SAPCD2: variants seen among roughly 807,000 people sequenced by gnomAD.
SAPCD2 encodes the protein suppressor APC domain containing 2.
SAPCD2 carries 34 observed loss-of-function variants against 37.8 expected under a neutral mutation model. The ratio of observed to expected loss-of-function variants is 0.90; its 90% confidence interval spans 0.68 to 1.20. SAPCD2 has a LOEUF of 1.20. SAPCD2 is among the 50% of genes most tolerant of loss of function. SAPCD2 has a pLI of 0.00. For synonymous variants in SAPCD2, 275 were observed against 270.3 expected (o/e 1.02, Z -0.17); for missense variants, 572 against 584.7 (o/e 0.98, Z 0.22).
At position 137,070,241 on chromosome 9, in the gene SAPCD2, G is replaced by A; in HGVS notation, c.220C>T (p.Gln74Ter). The A allele has an allele frequency of 1.4e-6, 2 of 1,418,148 alleles. No homozygotes were observed. Among genetic ancestry groups the A allele is most frequent in the Non-Finnish European group, 9.2e-7 (1 of 1,082,666 alleles). The allele number at this position is 1,418,148 out of a possible 1,614,324, so 87.8% of individuals were successfully genotyped here. ...AGGTAGCCGCTGGCCGGGGCCACCT[G>A]GCGCAAGCCCTCCAGCACCCCGCGG... The part of the protein sequence containing the change: ...LPRGVLEGLR[Q>*]VAPASGYLTF... The change falls in exon 1 of 6, where the codon CAG becomes TAG. Residue 74 changes from glutamine to a stop codon, truncating the protein, a stop_gained. Transcript: ENST00000409687. LOFTEE classifies it high-confidence loss of function.
In SAPCD2 at chr9:137,063,531, C is replaced by G. The variant is rs1460729085; in HGVS notation, c.*1128G>C. The G allele has an allele frequency of 1.5e-5, 1 of 67,748 alleles. No individual in the cohort carries two copies. Among genetic ancestry groups the G allele is most frequent in the East Asian group, 8.5e-4 (1 of 1,180 alleles). The allele number at this position is 67,748 out of a possible 1,614,324, so 4.2% of individuals were successfully genotyped here. A position where few individuals can be genotyped will look rare whatever the true frequency, so the allele number is the denominator to read the frequency against. On this transcript the variant is annotated 3_prime_UTR_variant, in exon 6 of 6. Transcript: ENST00000409687. ...TCGGCATCGGGGGCCCTGCGCCCCC[C>G]ACGCACTGACCCCGCATCGGGGGCC...
intron 1 of SAPCD2, among the ~76,000 whole-genome samples, chr9:137,066,995 T>C (rs947515862): frequency 5.3e-5 from 8 of 151,954 alleles, no homozygotes; most frequent in Admixed American, 1.3e-4. Flanking sequence ...CATTTCTTCC[T>C]TTTTTTCTTG....
At chr9:137,067,548 G>A (rs1197710530) in intron 1 of SAPCD2, among the ~76,000 whole-genome samples, 1 of 150,862 alleles carries the variant, frequency 6.6e-6, no homozygotes, top group Non-Finnish European at 1.5e-5. Flanking sequence ...GGGGCGGGGG[G>A]GGATCAGTTG....
intron 1 of SAPCD2, among the ~76,000 whole-genome samples, chr9:137,066,741 C>T (rs1466681968): frequency 1.3e-5 from 2 of 152,084 alleles, no homozygotes; most frequent in African/African-American, 2.4e-5. Context: ...GAGGAGTGGG[C>T]GGGGGGGTTC....
Position 137,069,937 on chromosome 9 carries a change from T to A in SAPCD2, c.524A>T (p.Glu175Val). 1 of 1,273,828 alleles carries A rather than the reference T, an allele frequency of 7.9e-7. No individual in the cohort carries two copies. The highest frequency in any genetic ancestry group is 9.9e-7 in the Non-Finnish European group (1 of 1,010,346). 78.9% of individuals were successfully genotyped at this position (1,273,828 alleles called of 1,614,324 possible). A position where few individuals can be genotyped will look rare whatever the true frequency, so the allele number is the denominator to read the frequency against. ...AEAAPCPAEP[E>V]RSQSAALEPS... ...TTCCAGCGCCGCGCTCTGGGACCGC[T>A]CGGGCTCCGCGGGGCAGGGCGCCGC... The change falls in exon 1 of 6, where the codon GAG becomes GTG. Residue 175 changes from glutamate to valine, a missense_variant. Glu to Val is a moderately radical substitution (Grantham distance 121). Coordinates refer to ENST00000409687, the MANE Select transcript of SAPCD2 (RefSeq NM_178448.4).
In SAPCD2 at chr9:137,070,514, A is replaced by C; in HGVS notation, c.-54T>G. On this transcript the variant is annotated 5_prime_UTR_variant, in exon 1 of 6. Coordinates refer to ENST00000409687, the MANE Select transcript of SAPCD2 (RefSeq NM_178448.4). Reference sequence around the variant, plus strand: ...CCCGCGTGCGTCCCAGCGCGGCCCCACGGAGGGGCCGGCCCGGCGAGCTCA... The same window carrying C: ...CCCGCGTGCGTCCCAGCGCGGCCCCCCGGAGGGGCCGGCCCGGCGAGCTCA... 1 of 1,111,276 alleles carries C rather than the reference A, an allele frequency of 9.0e-7. No individual in the cohort carries two copies. The highest frequency in any genetic ancestry group is 1.1e-6 in the Non-Finnish European group (1 of 887,108). 68.8% of individuals were successfully genotyped at this position (1,111,276 alleles called of 1,614,324 possible). A position where few individuals can be genotyped will look rare whatever the true frequency, so the allele number is the denominator to read the frequency against.
At position 137,064,595 on chromosome 9, in the gene SAPCD2, GGGCGC is replaced by G; in HGVS notation, c.*59_*63del. Reference sequence around the variant, plus strand: ...CCAGCCAGAGAGGGTGGGTGCGATGGGGCGCCCACCCTCGAAGGGCTGAGTGCCAG... The same window carrying G: ...CCAGCCAGAGAGGGTGGGTGCGATGGCCACCCTCGAAGGGCTGAGTGCCAG... On this transcript the variant is annotated 3_prime_UTR_variant, in exon 6 of 6. Coordinates refer to ENST00000409687, the MANE Select transcript of SAPCD2 (RefSeq NM_178448.4). 1 of 1,534,558 alleles carries G rather than the reference GGGCGC, an allele frequency of 6.5e-7. No homozygotes were observed. Among genetic ancestry groups the G allele is most frequent in the East Asian group, 2.4e-5 (1 of 41,262 alleles).
At position 137,070,537 on chromosome 9, in the gene SAPCD2, T is replaced by C; in HGVS notation, c.-77A>G. The C allele has an allele frequency of 1.0e-6, 1 of 965,898 alleles. No individual in the cohort carries two copies. The highest frequency in any genetic ancestry group is 1.3e-6 in the Non-Finnish European group (1 of 755,738). The allele number at this position is 965,898 out of a possible 1,614,324, so 59.8% of individuals were successfully genotyped here. On this transcript the variant is annotated 5_prime_UTR_variant, in exon 1 of 6. Coordinates refer to ENST00000409687, the MANE Select transcript of SAPCD2 (RefSeq NM_178448.4). ...CCACGGAGGGGCCGGCCCGGCGAGC[T>C]CAGCCCACGGCGACAATAGCGACTA...
intron 1 of SAPCD2, 102 bp from the exon 2 acceptor site, chr9:137,066,476 G>T: frequency 1.1e-6 from 1 of 875,256 alleles, no homozygotes. Flanking sequence ...TCGAGGTCTC[G>T]GGCACCAGCC....
intron 1 of SAPCD2, among the ~76,000 whole-genome samples, chr9:137,067,289 G>A (rs1006604949): frequency 6.6e-6 from 1 of 151,308 alleles, no homozygotes; most frequent in Non-Finnish European, 1.5e-5. Flanking sequence ...GTGCCCGGCC[G>A]GCAATACCCC....
chr9:137,069,860 G>C (rs528036503), intron 1 of SAPCD2, 30 bp downstream of exon 1: 4 of 1,239,846 alleles, frequency 3.2e-6, no homozygotes, highest in South Asian at 2.9e-5. Context: ...GGAGAGCTAC[G>C]AGGGTGCCCG....
chr9:137,065,726 A>T lies in SAPCD2; in HGVS notation c.685-58T>A. The T allele has an allele frequency of 1.3e-6, 2 of 1,547,314 alleles. 1 individual carries two copies. On this transcript the variant is annotated intron_variant, in intron 2 of 5. Coordinates refer to ENST00000409687, the MANE Select transcript of SAPCD2 (RefSeq NM_178448.4). ...CCCCAGTGAGCACGCACACGTCCAC[A>T]CATGCATGAGCTCACCTGTGGGTGG...
Position 137,064,937 on chromosome 9 carries a change from T to G in SAPCD2, c.982A>C (p.Thr328Pro). 1 of 1,553,392 alleles carries G rather than the reference T, an allele frequency of 6.4e-7. No homozygotes were observed. The highest frequency in any genetic ancestry group is 8.7e-7 in the Non-Finnish European group (1 of 1,149,326). Residue 328 changes from threonine (T) to proline (P), a missense_variant, in exon 5 of 6, where the codon ACG becomes CCG. By Grantham distance (38) the Thr-to-Pro change is conservative (BLOSUM62 -1). Transcript: ENST00000409687. ...SSSGPPCPAL[T>P]STSPPVWQQQ... is the part of the protein sequence containing the mutation. ...TGCCAGACCGGGGGTGAGGTGGACG[T>G]CAGGGCAGGGCAGGGGGGCCCGGAG...
rs527906340 is a variant in SAPCD2, at chr9:137,070,484, G to A, written c.-24C>T. 47 of 1,204,368 alleles carry A rather than the reference G, an allele frequency of 3.9e-5. No individual in the cohort carries two copies. In the African/African-American group the frequency reaches 6.5e-4, roughly 17 times the overall value. 74.6% of individuals were successfully genotyped at this position (1,204,368 alleles called of 1,614,324 possible). A position where few individuals can be genotyped will look rare whatever the true frequency, so the allele number is the denominator to read the frequency against. On this transcript the variant is annotated 5_prime_UTR_variant, in exon 1 of 6. The change creates a new upstream start codon in the 5' untranslated region. Coordinates refer to ENST00000409687, the MANE Select transcript of SAPCD2 (RefSeq NM_178448.4). ...ATGGGCGCCCGGGATCGGTCCCCTC[G>A]TCCACCCGCGTGCGTCCCAGCGCGG...
In SAPCD2 at chr9:137,065,551, G is replaced by A. The variant is rs551321017; in HGVS notation, c.802C>T (p.Arg268Cys). ...QQLQRVQERQ[R>C]RLGQSRASAD... The stretch of plus-strand genomic sequence containing the variant: ...CTGGCTCTGCTCTGGCCCAGGCGGC[G>A]CTGGCGCTCCTGCACTCGTTGCAGC... The change falls in exon 3 of 6, where the codon CGC becomes TGC. Residue 268 changes from arginine (R) to cysteine (C), a missense_variant. Transcript: ENST00000409687. The A allele has an allele frequency of 1.4e-5, 22 of 1,606,470 alleles. No homozygotes were observed. The highest frequency in any genetic ancestry group is 1.5e-5 in the Non-Finnish European group (18 of 1,176,054).
chr9:137,065,623 G>A lies in SAPCD2; in HGVS notation c.730C>T (p.Gln244Ter), dbSNP rs748351983. The change falls in exon 3 of 6, where the codon CAG (glutamine) becomes TAG (stop). Residue 244 changes from glutamine (Q) to a stop codon, truncating the protein, a stop_gained. Transcript: ENST00000409687. LOFTEE classifies it high-confidence loss of function. ...ELEQEKEVLL[Q>*]GLEMMARGRD... is the part of the protein sequence containing the mutation. ...CCCCGCGCCATCATCTCCAAACCCT[G>A]CAGCAGCACCTCCTTCTCCTGCTCC... is the stretch of plus-strand genomic sequence containing the variant. The A allele has an allele frequency of 6.2e-7, 1 of 1,608,612 alleles. No individual in the cohort carries two copies. Among genetic ancestry groups the A allele is most frequent in the South Asian group, 1.1e-5 (1 of 90,458 alleles).
At chr9:137,066,146 G>C (rs1832542655) in intron 2 of SAPCD2, 116 bp downstream of exon 2, 3 of 819,334 alleles carry the variant, frequency 3.7e-6, no homozygotes, top group Admixed American at 4.2e-5. Flanking sequence ...GAGATGTCCA[G>C]AGCTGACTGT....
rs755538353 is a variant in SAPCD2 at position 137,070,212 on chromosome 9, G to C, written c.249C>G (p.Thr83=). The change falls in exon 1 of 6, where the codon ACC becomes ACG. Residue 83 remains threonine (T), a synonymous_variant. Transcript: ENST00000409687. ...RQVAPASGYL[T]FERFVAGLRT... is the part of the protein sequence containing the mutation. ...GCAGGCCGGCCACGAAGCGCTCGAA[G>C]GTCAGGTAGCCGCTGGCCGGGGCCA... 3.1e-5 allele frequency: 43 copies of C among 1,384,980 alleles called. No individual in the cohort carries two copies. The East Asian group carries it at 9.5e-4, about 31-fold the overall frequency. The allele number at this position is 1,384,980 out of a possible 1,614,324, so 85.8% of individuals were successfully genotyped here. A position where few individuals can be genotyped will look rare whatever the true frequency, so the allele number is the denominator to read the frequency against.
rs148221797 is a variant in SAPCD2 at position 137,065,603 on chromosome 9, C to T, written c.750G>A (p.Ala250=). ...GCTGCTGGTACCAGTCGCGGCCCCG[C>T]GCCATCATCTCCAAACCCTGCAGCA... ...EVLLQGLEMM[A]RGRDWYQQQL... Residue 250 remains alanine (A), a synonymous_variant, in exon 3 of 6, where the codon GCG becomes GCA. Coordinates refer to ENST00000409687, the MANE Select transcript of SAPCD2 (RefSeq NM_178448.4). 1.3e-5 allele frequency: 21 copies of T among 1,610,886 alleles called. 1 individual carries two copies. Among genetic ancestry groups the T allele is most frequent in the African/African-American group, 9.3e-5 (7 of 75,026 alleles).
Sources: allele counts gnomAD v4.1 joint callset (sites outside exome capture counted in the v4.1 genomes callset), GRCh38; gene constraint gnomAD v4.1.1; transcripts MANE v1.5; gene names NCBI Gene and HGNC (gene_info 2026-07-23, HGNC 2026-07-21).